PLXNA4: variants seen among roughly 807,000 people sequenced by gnomAD.
The protein encoded by PLXNA4 is plexin-A4.
Under a neutral mutation model 191.8 loss-of-function variants are expected in PLXNA4, and 44 were observed. That is an observed-to-expected ratio of 0.23 (90% confidence interval 0.18 to 0.29). The LOEUF (loss-of-function observed/expected upper bound fraction) is 0.29. Among genes scored for constraint, PLXNA4 ranks in the 10% least tolerant of loss-of-function variants. The probability of loss-of-function intolerance (pLI) is 1.00; values close to 1 mark genes in which losing one functional copy is unlikely to be tolerated. For synonymous variants in PLXNA4, 1,082 were observed against 1,009.5 expected, an observed-to-expected ratio of 1.07 and a Z score of -1.36; for missense variants, 1,800 against 2,488.8, an observed-to-expected ratio of 0.72 and a Z score of 5.89.
chr7:132,218,402 C>T (rs1798037951), intron 9 of PLXNA4, among the ~76,000 whole-genome samples: 1 of 152,230 alleles, frequency 6.6e-6, no homozygotes, highest in African/African-American at 2.4e-5. Flanking sequence ...TGAGCTTGCA[C>T]ACCTGGGGGC....
At chr7:132,512,394 T>C (rs1405470808) in intron 1 of PLXNA4, among the ~76,000 whole-genome samples, 7 of 152,190 alleles carry the variant, frequency 4.6e-5, no homozygotes, top group African/African-American at 1.4e-4. Context: ...TCATTCTGCA[T>C]CTTCTATTAG....
chr7:132,166,798 T>G (rs1341654615), intron 22 of PLXNA4, among the ~76,000 whole-genome samples: 2 of 151,632 alleles, frequency 1.3e-5, no homozygotes, highest in African/African-American at 4.8e-5. Flanking sequence ...AACCCTAGAA[T>G]TATGCCAGTG....
At chr7:132,550,049 C>A (rs988399801) in intron 1 of PLXNA4, among the ~76,000 whole-genome samples, 1 of 152,148 alleles carries the variant, frequency 6.6e-6, no homozygotes, top group African/African-American at 2.4e-5. Flanking sequence ...GGGGTTGGAA[C>A]CTTGTTCTGC....
chr7:132,471,900 T>G (rs2117422569), intron 3 of PLXNA4, among the ~76,000 whole-genome samples: 1 of 152,302 alleles, frequency 6.6e-6, no homozygotes, highest in South Asian at 2.1e-4. Flanking sequence ...GGCTTGTTTG[T>G]TTTCTCAGAA....
At chr7:132,308,488 C>G (rs1234916106) in intron 3 of PLXNA4, among the ~76,000 whole-genome samples, 3 of 152,166 alleles carry the variant, frequency 2.0e-5, no homozygotes, top group African/African-American at 7.2e-5. Flanking sequence ...ATGCACTTTA[C>G]ACGCATCAGC....
At position 132,152,499 on chromosome 7, in the gene PLXNA4, C is replaced by G. The variant is rs146414130; in HGVS notation, c.4661-3853G>C. ...TAACAGTAATGAAAATAAATAGAAC[C>G]CAGGTCCCCCAGTGCTTGATCCAGC... On this transcript the variant is annotated intron_variant, in intron 25 of 31. Coordinates refer to ENST00000321063, the MANE Select transcript of PLXNA4 (RefSeq NM_020911.2). 5.1e-3 allele frequency among the ~76,000 whole-genome samples: 772 copies of G among 152,280 alleles called. 4 individuals are homozygous for G. Among genetic ancestry groups the G allele is most frequent in the Non-Finnish European group, 7.2e-3 (487 of 68,034 alleles).
intron 4 of PLXNA4, among the ~76,000 whole-genome samples, chr7:132,258,707 C>G (rs1799518581): frequency 1.3e-5 from 2 of 152,180 alleles, no homozygotes; most frequent in Non-Finnish European, 2.9e-5. Flanking sequence ...CCCATCCAGA[C>G]CCCAGATCCA....
chr7:132,484,837 A>T, intron 3 of PLXNA4: 1 of 1,614,192 alleles, frequency 6.2e-7, no homozygotes, highest in Non-Finnish European at 8.5e-7. Context: ...TCCCAGGTAC[A>T]TTTAGGAAGC....
chr7:132,539,201 G>A (rs1799969628), intron 1 of PLXNA4, among the ~76,000 whole-genome samples: 1 of 152,150 alleles, frequency 6.6e-6, no homozygotes, highest in Admixed American at 6.5e-5. Flanking sequence ...CAACCCAAGT[G>A]AGACTCTGTC....
At chr7:132,376,959 T>C (rs1563065315) in intron 3 of PLXNA4, among the ~76,000 whole-genome samples, 1 of 152,234 alleles carries the variant, frequency 6.6e-6, no homozygotes, top group Non-Finnish European at 1.5e-5. Flanking sequence ...CTGGAGAAAC[T>C]TATCTTCCTG....
chr7:132,451,063 C>A (rs576264082), intron 3 of PLXNA4, among the ~76,000 whole-genome samples: 1 of 152,364 alleles, frequency 6.6e-6, no homozygotes, highest in East Asian at 1.9e-4. Context: ...TACTCACTAA[C>A]CCCCAGCCAC....
At chr7:132,155,170 A>G (rs571373290) in intron 25 of PLXNA4, among the ~76,000 whole-genome samples, 1 of 152,312 alleles carries the variant, frequency 6.6e-6, no homozygotes, top group African/African-American at 2.4e-5. Flanking sequence ...GCATTAAACT[A>G]CAGGAACCTC....
chr7:132,342,153 C>T (rs936450935), intron 3 of PLXNA4, among the ~76,000 whole-genome samples: 4 of 151,114 alleles, frequency 2.6e-5, no homozygotes, highest in African/African-American at 7.3e-5. Flanking sequence ...TCTTCCTTCC[C>T]ACAACATCAG....
upstream of PLXNA4, among the ~76,000 whole-genome samples, chr7:132,581,628 C>T (rs752366405): frequency 4.6e-5 from 7 of 152,196 alleles, no homozygotes; most frequent in African/African-American, 7.2e-5. Flanking sequence ...CACCTCCACC[C>T]GGCTGCACTG....
chr7:132,170,306 A>C (rs1001363681), intron 21 of PLXNA4, among the ~76,000 whole-genome samples: 2 of 152,228 alleles, frequency 1.3e-5, no homozygotes, highest in Non-Finnish European at 2.9e-5. Flanking sequence ...CCCTGTGAGG[A>C]TAAGGAGCTT....
intron 3 of PLXNA4, among the ~76,000 whole-genome samples, chr7:132,325,321 A>G (rs1802316358): frequency 6.6e-6 from 1 of 152,136 alleles, no homozygotes; most frequent in South Asian, 2.1e-4. Flanking sequence ...GCAAGAGTAG[A>G]ATTCTTGCCA....
intron 2 of PLXNA4, among the ~76,000 whole-genome samples, chr7:132,615,415 G>A (rs918156557): frequency 3.3e-5 from 5 of 152,136 alleles, no homozygotes; most frequent in Non-Finnish European, 7.4e-5. Context: ...CGGAGGGGAC[G>A]GGGGCTGGGG....
In PLXNA4 at chr7:132,178,770, C is replaced by G. The variant is rs1484073294; in HGVS notation, c.3874+917G>C. 2.9e-5 allele frequency among the ~76,000 whole-genome samples: 4 copies of G among 137,888 alleles called. No homozygotes were observed. The South Asian group carries it at 8.9e-4, about 31-fold the overall frequency. 90.5% of individuals were successfully genotyped at this position (137,888 alleles called of 152,430 possible). ...ACATACACACACACACACACACACA[C>G]ACACAGCCTCCAGCACTGCCCACAG... On this transcript the variant is annotated intron_variant, in intron 20 of 31. Transcript: ENST00000321063.
chr7:132,145,720 C>A (rs12113370), intron 28 of PLXNA4, among the ~76,000 whole-genome samples: 1 of 151,980 alleles, frequency 6.6e-6, no homozygotes. Flanking sequence ...TGAGCCCAGT[C>A]TCAGGAGTGA....
Sources: gnomAD v4.1 joint callset for allele counts (sites outside exome capture counted in the v4.1 genomes callset) on GRCh38, gnomAD v4.1.1 for gene constraint, MANE v1.5 for transcripts, NCBI Gene and HGNC (gene_info 2026-07-23, HGNC 2026-07-21) for gene names.